The following GRIP1 variants were observed in gnomAD, a reference collection of about 807,000 sequenced individuals.
The protein encoded by GRIP1 is glutamate receptor-interacting protein 1.
A neutral mutation model predicts 129.9 loss-of-function variants in GRIP1; 45 were observed. That is an observed-to-expected ratio of 0.35 (90% confidence interval 0.27 to 0.44). The LOEUF is 0.44. Among genes scored for constraint, GRIP1 ranks in the 20% least tolerant of loss-of-function variants. The probability of loss-of-function intolerance (pLI) is 1.00; values close to 1 mark genes in which losing one functional copy is unlikely to be tolerated. For missense variants in GRIP1, 1,196 were observed against 1,396.8 expected (o/e 0.86, Z 2.29); for synonymous variants, 530 against 520.8 (o/e 1.02, Z -0.24).
intron 2 of GRIP1, among the ~76,000 whole-genome samples, chr12:66,554,825 T>C (rs1592541179): frequency 6.6e-6 from 1 of 151,710 alleles, no homozygotes. Context: ...AAAGCAGAGG[T>C]AGAGTGGGAA....
chr12:66,671,253 C>T (rs2034065383), intron 1 of GRIP1, among the ~76,000 whole-genome samples: 1 of 152,110 alleles, frequency 6.6e-6, no homozygotes, highest in Non-Finnish European at 1.5e-5. Flanking sequence ...TCCTTAATGT[C>T]CACCTCAAAG....
intron 1 of GRIP1, among the ~76,000 whole-genome samples, chr12:66,861,071 A>T (rs1326487988): frequency 6.6e-6 from 1 of 152,034 alleles, no homozygotes; most frequent in East Asian, 1.9e-4. Context: ...TATTAAGTGA[A>T]CTCCAATATT....
chr12:66,565,733 G>A (rs1234221994), intron 2 of GRIP1, among the ~76,000 whole-genome samples: 2 of 152,118 alleles, frequency 1.3e-5, no homozygotes, highest in South Asian at 2.1e-4. Context: ...CCATTTTCAC[G>A]ATATTGATTC....
At chr12:66,548,512 T>C (rs1193039579) in intron 2 of GRIP1, among the ~76,000 whole-genome samples, 1 of 152,008 alleles carries the variant, frequency 6.6e-6, no homozygotes. Context: ...ACCCATGCAA[T>C]GGGGGTAGGG....
chr12:66,578,160 G>A (rs1289009490), intron 2 of GRIP1, among the ~76,000 whole-genome samples: 1 of 150,640 alleles, frequency 6.6e-6, no homozygotes, highest in African/African-American at 2.4e-5. Context: ...CCAGCATTTT[G>A]GGAAGCCAAG....
At chr12:66,356,961 C>A (rs1255460573) in intron 23 of GRIP1, among the ~76,000 whole-genome samples, 1 of 152,202 alleles carries the variant, frequency 6.6e-6, no homozygotes, top group African/African-American at 2.4e-5. Flanking sequence ...ACTTGGCTCA[C>A]TGCCTCCTGG....
intron 2 of GRIP1, among the ~76,000 whole-genome samples, chr12:66,556,867 C>T (rs763185238): frequency 6.6e-6 from 1 of 150,900 alleles, no homozygotes; most frequent in Non-Finnish European, 1.5e-5. Context: ...AACATACCAC[C>T]AGAGAAACAT....
chr12:66,949,028 A>G (rs1409440086), intron 1 of GRIP1, among the ~76,000 whole-genome samples: 1 of 152,186 alleles, frequency 6.6e-6, no homozygotes, highest in Non-Finnish European at 1.5e-5. Context: ...GAGGAAATTA[A>G]GGAGCAAAAG....
chr12:66,539,064 G>A lies in GRIP1; in HGVS notation c.418+14C>T, dbSNP rs79994510. 1.5e-5 allele frequency: 24 copies of A among 1,610,326 alleles called. No individual in the cohort carries two copies. The highest frequency in any genetic ancestry group is 6.7e-5 in the African/African-American group (5 of 74,822). Reference sequence around the variant, plus strand: ...AATGTATCCCCTATGGATAAGGGGGGCTACTGTACTTACAGACCGGTGGAA... The same window carrying A: ...AATGTATCCCCTATGGATAAGGGGGACTACTGTACTTACAGACCGGTGGAA... On this transcript the variant is annotated intron_variant, in intron 4 of 24. Coordinates refer to ENST00000359742, the MANE Select transcript of GRIP1 (RefSeq NM_001366722.1).
chr12:66,807,391 T>C (rs1463864849), upstream of GRIP1, among the ~76,000 whole-genome samples: 3 of 152,084 alleles, frequency 2.0e-5, no homozygotes, highest in East Asian at 5.8e-4. Context: ...GTGTGGCACC[T>C]GGCCAGGCGC....
chr12:66,363,229 A>ATATATATATATATATATATATATATAT (rs1592693881), intron 23 of GRIP1, among the ~76,000 whole-genome samples: 4 of 129,696 alleles, frequency 3.1e-5, no homozygotes, highest in South Asian at 2.5e-4. Flanking sequence ...ATATATATAT[A>ATATATATATATATATATATATATATAT]AAGTTTCTGT....
At chr12:66,832,081 CT>C (rs1456028944) in intron 1 of GRIP1, among the ~76,000 whole-genome samples, 3 of 152,164 alleles carry the variant, frequency 2.0e-5, no homozygotes, top group Non-Finnish European at 4.4e-5. Flanking sequence ...AGACAAGTCA[CT>C]TCTGAGGCTT....
At chr12:66,484,778 T>G (rs913718218) in intron 7 of GRIP1, among the ~76,000 whole-genome samples, 1 of 152,172 alleles carries the variant, frequency 6.6e-6, no homozygotes, top group Admixed American at 6.5e-5. Flanking sequence ...AGGGTGACTA[T>G]AGTTACCAAC....
chr12:66,531,253 ATATATAT>A (rs1283364370), intron 4 of GRIP1, among the ~76,000 whole-genome samples: 128 of 17,380 alleles, frequency 7.4e-3, no homozygotes, highest in Non-Finnish European at 0.013. Flanking sequence ...AAAAAAAAAA[ATATATAT>A]ATATATATAT....
intron 1 of GRIP1, among the ~76,000 whole-genome samples, chr12:66,982,071 C>T (rs926373852): frequency 3.3e-5 from 5 of 152,256 alleles, no homozygotes; most frequent in African/African-American, 9.6e-5. Flanking sequence ...ACTATCTTAC[C>T]TCATTTAATT....
intron 1 of GRIP1, among the ~76,000 whole-genome samples, chr12:66,918,261 G>T (rs2041159368): frequency 1.3e-5 from 2 of 151,984 alleles, no homozygotes; most frequent in African/African-American, 4.8e-5. Flanking sequence ...AAAAAAAGGT[G>T]ATGTTCTAGT....
intron 5 of GRIP1, among the ~76,000 whole-genome samples, chr12:66,522,097 A>G (rs1391957109): frequency 1.3e-5 from 2 of 152,204 alleles, no homozygotes; most frequent in African/African-American, 2.4e-5. Flanking sequence ...AAACAAAAAG[A>G]CAGCAGTAAC....
intron 7 of GRIP1, among the ~76,000 whole-genome samples, chr12:66,478,319 C>G (rs1279792695): frequency 6.6e-6 from 1 of 152,166 alleles, no homozygotes; most frequent in African/African-American, 2.4e-5. Flanking sequence ...AATTCAAAAC[C>G]ACAATGAGAT....
At chr12:66,828,371 C>T (rs75594905) in intron 1 of GRIP1, among the ~76,000 whole-genome samples, 7,242 of 152,182 alleles carry the variant, frequency 0.048, 219 homozygotes, top group Middle Eastern at 0.095. Context: ...AATTTTAAGG[C>T]CACATCATCC....
Sources: gnomAD v4.1 joint callset for allele counts (sites outside exome capture counted in the v4.1 genomes callset) on GRCh38, gnomAD v4.1.1 for gene constraint, MANE v1.5 for transcripts, NCBI Gene and HGNC (gene_info 2026-07-23, HGNC 2026-07-21) for gene names.